The following IARS1 variants were observed in gnomAD, a reference collection of about 807,000 sequenced individuals.
IARS1 encodes the protein isoleucine--tRNA ligase, cytoplasmic.
A neutral mutation model predicts 168.2 loss-of-function variants in IARS1; 124 were observed. The observed-to-expected ratio is 0.74, with a 90% CI of 0.64 to 0.86. IARS1 has a LOEUF of 0.86. IARS1 is among the 40% of genes least tolerant of loss of function. IARS1 has a pLI of 0.00. For synonymous variants in IARS1, 532 were observed against 529.4 expected (o/e 1.00, Z -0.07); for missense variants, 1,452 against 1,515.8 (o/e 0.96, Z 0.70).
rs757230180 is a variant in IARS1 at position 92,223,489 on chromosome 9, T to C, written c.3410A>G (p.Glu1137Gly). The C allele has an allele frequency of 6.2e-7, 1 of 1,607,302 alleles. No homozygotes were observed. The highest frequency in any genetic ancestry group is 8.5e-7 in the Non-Finnish European group (1 of 1,176,682). ...TELAVFHDETEIQNQTDLLSL... is the reference protein window; with the variant it reads ...TELAVFHDETGIQNQTDLLSL... ...CAGTAAGTCAGTTTGGTTTTGTATT[T>C]CTAAAAATAACAACAACAATTCTTT... Residue 1137 changes from glutamate (E) to glycine (G), a missense_variant and splice_region_variant, in exon 32 of 34, where the codon GAA becomes GGA. Physicochemically the swap from Glu to Gly is moderately conservative, Grantham distance 98 (BLOSUM62 -2). Coordinates refer to ENST00000443024, the MANE Select transcript of IARS1 (RefSeq NM_002161.6).
At chr9:92,265,712 C>A (rs1446830758) in intron 14 of IARS1, among the ~76,000 whole-genome samples, 159 bp from the exon 15 acceptor site, 6 of 151,956 alleles carry the variant, frequency 3.9e-5, no homozygotes, top group African/African-American at 1.5e-4. Flanking sequence ...GGCTGGAGTG[C>A]AGTGGCACAA....
intron 31 of IARS1, among the ~76,000 whole-genome samples, chr9:92,226,584 C>T (rs1006776736): frequency 1.3e-5 from 2 of 152,158 alleles, no homozygotes; most frequent in Non-Finnish European, 2.9e-5. Flanking sequence ...AAGAAATGTA[C>T]TGTCTCAAAG....
chr9:92,272,038 T>C (rs1833117625), intron 10 of IARS1, among the ~76,000 whole-genome samples: 1 of 152,214 alleles, frequency 6.6e-6, no homozygotes, highest in African/African-American at 2.4e-5. Flanking sequence ...ATTTGATTTA[T>C]AACAGCAGCA....
rs746424758 is a variant in IARS1 at position 92,287,877 on chromosome 9, C to G, written c.310G>C (p.Gly104Arg). The change falls in exon 4 of 34, where the codon GGA (glycine) becomes CGA (arginine). Residue 104 changes from glycine to arginine, a missense_variant. Gly to Arg is a moderately radical substitution (Grantham distance 125). Coordinates refer to ENST00000443024, the MANE Select transcript of IARS1 (RefSeq NM_002161.6). ...YEIDKTLGIR[G>R]PEDVAKMGIT... ...CCCATTTTGGCCACATCCTCTGGTC[C>G]TCTGATTCCCAGTGTCTTATCAATT... 1.9e-6 allele frequency: 3 copies of G among 1,613,902 alleles called. No individual in the cohort carries two copies. The highest frequency in any genetic ancestry group is 2.5e-6 in the Non-Finnish European group (3 of 1,179,886).
intron 33 of IARS1, among the ~76,000 whole-genome samples, chr9:92,213,888 T>G (rs952380061): frequency 6.6e-6 from 1 of 152,094 alleles, no homozygotes; most frequent in Non-Finnish European, 1.5e-5. Context: ...CTCAGCACAC[T>G]GCAACCTCTG....
At chr9:92,283,231 A>C (rs967029189) in intron 6 of IARS1, among the ~76,000 whole-genome samples, 1 of 152,238 alleles carries the variant, frequency 6.6e-6, no homozygotes, top group Admixed American at 6.5e-5. Context: ...TGTTTCATAC[A>C]GTGGGTGAGT....
chr9:92,244,134 C>CATG (rs78165743), intron 27 of IARS1, among the ~76,000 whole-genome samples: 22,235 of 152,070 alleles, frequency 0.15, 1,845 homozygotes, highest in South Asian at 0.29. Flanking sequence ...AGAAGCATCA[C>CATG]ATGACACTTT....
At chr9:92,258,722 C>A in intron 19 of IARS1, 132 bp downstream of exon 19, 1 of 925,076 alleles carries the variant, frequency 1.1e-6, no homozygotes, top group South Asian at 2.1e-5. Context: ...CCCCATGGCT[C>A]TAAGTTACCC....
chr9:92,271,040 G>T lies in IARS1; in HGVS notation c.1150C>A (p.Gln384Lys). The T allele has an allele frequency of 1.2e-6, 2 of 1,611,146 alleles. No individual in the cohort carries two copies. The highest frequency in any genetic ancestry group is 1.7e-6 in the Non-Finnish European group (2 of 1,178,564). ...GTGGTGGCAACCAGAAGTCGGCCTT[G>T]TTCCTTCAAAGTCCTGATGATACTT... ...DKSIIRTLKE[Q>K]GRLLVATTFT... The change falls in exon 12 of 34, where the codon CAA becomes AAA. Residue 384 changes from glutamine to lysine, a missense_variant. Transcript: ENST00000443024.
At chr9:92,242,410 G>T in intron 28 of IARS1, 80 bp from the exon 29 acceptor site, 1 of 1,116,298 alleles carries the variant, frequency 9.0e-7, no homozygotes, top group Non-Finnish European at 1.3e-6. Flanking sequence ...TTGAACAAGG[G>T]CTACAGATCC....
chr9:92,247,992 G>C (rs1829471188), intron 25 of IARS1, among the ~76,000 whole-genome samples: 1 of 152,244 alleles, frequency 6.6e-6, no homozygotes, highest in Admixed American at 6.5e-5. Context: ...TATGGTGATA[G>C]TTGTACCATT....
rs377493419 is a variant in IARS1, at chr9:92,265,531, G to A, written c.1454C>T (p.Ala485Val). ...FEEVVCIGSV[A>V]ELEELSGAKI... ...TGCTCCTGACAGTTCTTCAAGTTCC[G>A]CCACTGACCCAATGCATACCACCTG... is the stretch of plus-strand genomic sequence containing the variant. The change falls in exon 15 of 34, where the codon GCG becomes GTG. Residue 485 changes from alanine (A) to valine (V), a missense_variant. Physicochemically the swap from Ala to Val is moderately conservative, Grantham distance 64 (BLOSUM62 0). Transcript: ENST00000443024. 105 of 1,613,916 alleles carry A rather than the reference G, an allele frequency of 6.5e-5. No individual in the cohort carries two copies. The Middle Eastern group carries it at 6.6e-4, about 10-fold the overall frequency.
At chr9:92,277,351 G>T (rs566567166) in intron 9 of IARS1, among the ~76,000 whole-genome samples, 1 of 152,058 alleles carries the variant, frequency 6.6e-6, no homozygotes, top group Non-Finnish European at 1.5e-5. Flanking sequence ...CTTGAACCTG[G>T]GGGGCAGAGG....
In IARS1 at chr9:92,287,781, C is replaced by A. The variant is rs1220415348; in HGVS notation, c.396+10G>T. 6.2e-7 allele frequency: 1 copy of A among 1,607,138 alleles called. No homozygotes were observed. Among genetic ancestry groups the A allele is most frequent in the Non-Finnish European group, 8.5e-7 (1 of 1,176,740 alleles). On this transcript the variant is annotated intron_variant, in intron 4 of 33. Transcript: ENST00000443024. ...TTGCTGTTCATTCTACTGAAAAAAACCCAACATACCTTCCACTCAGCAGAA... is the reference window on the plus strand; with the variant it reads ...TTGCTGTTCATTCTACTGAAAAAAAACCAACATACCTTCCACTCAGCAGAA...
intron 31 of IARS1, among the ~76,000 whole-genome samples, chr9:92,226,806 TC>T (rs1232536458): frequency 6.6e-6 from 1 of 150,808 alleles, no homozygotes; most frequent in Non-Finnish European, 1.5e-5. Flanking sequence ...ATGGCCACCT[TC>T]TTTTTTTTTT....
chr9:92,270,652 G>A (rs927005897), intron 12 of IARS1, among the ~76,000 whole-genome samples: 1 of 152,056 alleles, frequency 6.6e-6, no homozygotes, highest in Admixed American at 6.6e-5. Flanking sequence ...AAAATCAGCC[G>A]GGTGTGATGG....
chr9:92,291,605 A>G (rs1836347392), intron 1 of IARS1, among the ~76,000 whole-genome samples: 1 of 152,220 alleles, frequency 6.6e-6, no homozygotes. Flanking sequence ...GGCATTTTAG[A>G]TCTTCAACTC....
At chr9:92,276,114 G>A (rs1390631995) in intron 9 of IARS1, among the ~76,000 whole-genome samples, 2 of 152,196 alleles carry the variant, frequency 1.3e-5, no homozygotes, top group Non-Finnish European at 2.9e-5. Context: ...AACAAAGTAT[G>A]TTAAGCTATA....
intron 30 of IARS1, among the ~76,000 whole-genome samples, chr9:92,230,949 T>A (rs1826578112): frequency 6.6e-6 from 1 of 152,254 alleles, no homozygotes; most frequent in Non-Finnish European, 1.5e-5. Context: ...TTTTCTTTAC[T>A]GTTGAGATTT....
Sources: gnomAD v4.1 joint callset for allele counts (sites outside exome capture counted in the v4.1 genomes callset) on GRCh38, gnomAD v4.1.1 for gene constraint, MANE v1.5 for transcripts, NCBI Gene and HGNC (gene_info 2026-07-23, HGNC 2026-07-21) for gene names.